The following PTPRN2 variants were observed in gnomAD, a reference collection of about 807,000 sequenced individuals.
The protein encoded by PTPRN2 is receptor-type tyrosine-protein phosphatase N2.
PTPRN2 carries 74 observed loss-of-function variants against 118.8 expected under a neutral mutation model. The observed-to-expected ratio is 0.62, with a 90% confidence interval of 0.52 to 0.76. The LOEUF is 0.76. PTPRN2 is among the 30% of genes least tolerant of loss of function. PTPRN2 has a pLI of 0.00. For synonymous variants in PTPRN2, 641 were observed against 608.0 expected (o/e 1.05, Z -0.80); for missense variants, 1,481 against 1,394.4 (o/e 1.06, Z -0.99).
At chr7:158,290,523 C>T (rs1393435936) in intron 3 of PTPRN2, among the ~76,000 whole-genome samples, 2 of 152,182 alleles carry the variant, frequency 1.3e-5, no homozygotes, top group Non-Finnish European at 2.9e-5. Context: ...GGCCTGAAGC[C>T]TCCGTCCTTG....
rs1055919230 is a variant in PTPRN2, at chr7:158,509,240, C to A, written c.113-19455G>T. 3.3e-5 allele frequency among the ~76,000 whole-genome samples: 5 copies of A among 152,170 alleles called. No individual in the cohort carries two copies. Among genetic ancestry groups the A allele is most frequent in the Non-Finnish European group, 7.4e-5 (5 of 68,022 alleles). On this transcript the variant is annotated intron_variant, in intron 1 of 22. Transcript: ENST00000389418. This position sits in a 1 kb window ranked among gnomAD's most constrained non-coding sequence, Gnocchi z 4.4. ...TCACAGGGTCCTTGCTCAAAGGCGGCAGCAAATGCACCATCCACTTCCTTT... is the reference window on the plus strand; with the variant it reads ...TCACAGGGTCCTTGCTCAAAGGCGGAAGCAAATGCACCATCCACTTCCTTT...
intron 1 of PTPRN2, among the ~76,000 whole-genome samples, chr7:158,558,631 T>C (rs559490442): frequency 6.6e-6 from 1 of 151,948 alleles, no homozygotes; most frequent in East Asian, 1.9e-4. Flanking sequence ...GGTGCAGCAA[T>C]GAGGGACCCA....
intron 3 of PTPRN2, among the ~76,000 whole-genome samples, chr7:158,270,864 GGACCGCCCCCTCCACCTGGATGACCCCC>G (rs1798367719): frequency 1.0e-4 from 3 of 29,300 alleles, no homozygotes; most frequent in African/African-American, 3.2e-4. Context: ...CCCCCCACCT[GGACCGCCCCCTCCACCTGGATGACCCCC>G]TCCACCTGGA....
chr7:157,962,581 C>T (rs1801619363), intron 11 of PTPRN2, among the ~76,000 whole-genome samples: 1 of 152,188 alleles, frequency 6.6e-6, no homozygotes, highest in African/African-American at 2.4e-5. Context: ...TGAAGTCAGA[C>T]CCCAGGCCTT....
chr7:158,394,742 A>G (rs1812204099), intron 2 of PTPRN2, among the ~76,000 whole-genome samples: 1 of 152,252 alleles, frequency 6.6e-6, no homozygotes, highest in Non-Finnish European at 1.5e-5. Context: ...CAAGGACTGT[A>G]GGCAACTCAC....
intron 2 of PTPRN2, among the ~76,000 whole-genome samples, chr7:158,318,486 C>T (rs181652714): frequency 1.3e-5 from 2 of 152,254 alleles, no homozygotes; most frequent in Non-Finnish European, 1.5e-5. Context: ...GAGTGAGCCA[C>T]GGGCCAGGAA....
chr7:158,083,039 C>T (rs1442887170), intron 10 of PTPRN2, among the ~76,000 whole-genome samples: 1 of 152,192 alleles, frequency 6.6e-6, no homozygotes, highest in Non-Finnish European at 1.5e-5. Context: ...GTGCTGAGTT[C>T]TACCCCCTCT....
rs1222509630 is a variant in PTPRN2, at chr7:158,304,554, T to C, written c.277+12265A>G. 2.0e-5 allele frequency among the ~76,000 whole-genome samples: 3 copies of C among 152,122 alleles called. 1 individual carries two copies. The East Asian group carries it at 5.8e-4, about 29-fold the overall frequency. On this transcript the variant is annotated intron_variant, in intron 3 of 22. Coordinates refer to ENST00000389418, the MANE Select transcript of PTPRN2 (RefSeq NM_002847.5). The stretch of plus-strand genomic sequence containing the variant: ...ACGTACACAGGCTTGGATTTCTACA[T>C]GCTAGAGAGGCATAAGACACCCATC...
intron 2 of PTPRN2, among the ~76,000 whole-genome samples, chr7:158,393,721 C>G (rs750022902): frequency 2.6e-4 from 39 of 152,144 alleles, no homozygotes; most frequent in Non-Finnish European, 2.9e-4. Context: ...ATTATAATCT[C>G]ATCGCCTAAC....
intron 2 of PTPRN2, among the ~76,000 whole-genome samples, chr7:158,468,903 G>A (rs77159123): frequency 1.4e-5 from 2 of 142,362 alleles, no homozygotes; most frequent in Non-Finnish European, 3.1e-5. Flanking sequence ...TCAATCAACA[G>A]TGTGCACACC....
At chr7:158,575,159 C>T (rs1326255265) in intron 1 of PTPRN2, among the ~76,000 whole-genome samples, 1 of 152,312 alleles carries the variant, frequency 6.6e-6, no homozygotes. Context: ...GGAGTTCGTA[C>T]TTATTTTATC....
At chr7:158,063,887 A>G (rs1810557378) in intron 11 of PTPRN2, among the ~76,000 whole-genome samples, 1 of 152,152 alleles carries the variant, frequency 6.6e-6, no homozygotes, top group Non-Finnish European at 1.5e-5. Flanking sequence ...AAAACCTAAT[A>G]CCAATTAGCT....
chr7:158,320,843 T>A (rs1056535297), intron 2 of PTPRN2, among the ~76,000 whole-genome samples: 1 of 152,182 alleles, frequency 6.6e-6, no homozygotes, highest in East Asian at 1.9e-4. Flanking sequence ...GGTTCGCTGC[T>A]ACCTGCTTGA....
At chr7:158,515,966 A>T (rs1823524351) in intron 1 of PTPRN2, among the ~76,000 whole-genome samples, 2 of 152,112 alleles carry the variant, frequency 1.3e-5, no homozygotes, top group African/African-American at 4.8e-5. Context: ...AACATTTCAT[A>T]CTTGATACTC....
intron 12 of PTPRN2, among the ~76,000 whole-genome samples, chr7:157,776,400 TCC>T (rs1470854729): frequency 3.3e-4 from 26 of 79,194 alleles, no homozygotes; most frequent in South Asian, 1.6e-3. Context: ...CTCCTCCATC[TCC>T]TCCTCCTCCT....
chr7:158,273,458 A>ACAGACG (rs1563072636), intron 3 of PTPRN2, among the ~76,000 whole-genome samples: 5 of 68,826 alleles, frequency 7.3e-5, no homozygotes, highest in African/African-American at 2.7e-4. Context: ...GGAGCCGCAG[A>ACAGACG]CGCAGGGGGA....
At chr7:158,548,786 G>A (rs1419404622) in intron 1 of PTPRN2, among the ~76,000 whole-genome samples, 1 of 152,216 alleles carries the variant, frequency 6.6e-6, no homozygotes, top group African/African-American at 2.4e-5. Context: ...GGCCTCTAGA[G>A]GGGAGGCAGG....
At chr7:158,115,001 C>T (rs1342212713) in intron 9 of PTPRN2, among the ~76,000 whole-genome samples, 3 of 152,100 alleles carry the variant, frequency 2.0e-5, no homozygotes, top group Non-Finnish European at 4.4e-5. Context: ...AATACAATGG[C>T]GAGCTATCAA....
intron 2 of PTPRN2, among the ~76,000 whole-genome samples, chr7:158,417,720 C>T (rs1586624921): frequency 3.0e-5 from 2 of 65,702 alleles, no homozygotes; most frequent in African/African-American, 5.3e-5. Flanking sequence ...CTCAGTGTCC[C>T]ACTGTGTTAA....
Sources: allele counts gnomAD v4.1 joint callset (sites outside exome capture counted in the v4.1 genomes callset), GRCh38; gene constraint gnomAD v4.1.1; non-coding constraint Gnocchi (gnomAD v3.1); transcripts MANE v1.5; gene names NCBI Gene and HGNC (gene_info 2026-07-23, HGNC 2026-07-21).